AHCTF1: variants seen among roughly 807,000 people sequenced by gnomAD.
AHCTF1 encodes the protein AT-hook containing transcription factor 1, also known as protein ELYS.
In AHCTF1, 24 loss-of-function variants were observed where a neutral mutation model predicts 248.4. That is an observed-to-expected ratio of 0.10 (90% CI 0.07 to 0.14). The LOEUF (loss-of-function observed/expected upper bound fraction) is 0.14, where lower values mean the gene tolerates loss of function less well. Among genes scored for constraint, AHCTF1 ranks in the 10% least tolerant of loss-of-function variants. The pLI is 1.00. For synonymous variants in AHCTF1, 786 were observed against 929.8 expected, an observed-to-expected ratio of 0.85 and a Z score of 2.81; for missense variants, 2,206 against 2,636.2, an observed-to-expected ratio of 0.84 and a Z score of 3.57.
At chr1:246,905,684 T>G (rs777188388) in intron 5 of AHCTF1, 27 bp from the exon 6 acceptor site, 2 of 1,551,152 alleles carry the variant, frequency 1.3e-6, no homozygotes, top group South Asian at 2.3e-5. Flanking sequence ...TATTTCATAT[T>G]TTTAAGTTAT....
intron 33 of AHCTF1, 23 bp from the exon 34 acceptor site, chr1:246,843,951 T>A: frequency 7.2e-7 from 1 of 1,383,048 alleles, no homozygotes; most frequent in South Asian, 2.0e-5. Context: ...GAAAAAACTG[T>A]ATCTGTATCT....
In AHCTF1 at chr1:246,931,702, C is replaced by G. The variant is rs970160384; in HGVS notation, c.-132G>C. On this transcript the variant is annotated 5_prime_UTR_variant, in exon 1 of 36. Coordinates refer to ENST00000648844, the MANE Select transcript of AHCTF1 (RefSeq NM_001323342.2). ...GGAGACGTGGCCGCCACGGGCCGGG[C>G]TCACACCCCTCCGCCCGGCTGAAGC... The G allele has an allele frequency of 6.6e-6, 1 of 152,500 alleles. No individual in the cohort carries two copies. Among genetic ancestry groups the G allele is most frequent in the African/African-American group, 2.4e-5 (1 of 41,444 alleles). 9.4% of individuals were successfully genotyped at this position (152,500 alleles called of 1,614,324 possible).
chr1:246,926,985 T>G (rs146242458), intron 1 of AHCTF1, among the ~76,000 whole-genome samples: 6 of 151,338 alleles, frequency 4.0e-5, no homozygotes, highest in African/African-American at 1.5e-4. Flanking sequence ...CCATCCTGGC[T>G]AACAAGGTGA....
At chr1:246,928,302 CAAAAAAA>C (rs35687457) in intron 1 of AHCTF1, among the ~76,000 whole-genome samples, 1 of 94,228 alleles carries the variant, frequency 1.1e-5, no homozygotes, top group Admixed American at 1.1e-4. Context: ...GACTCCGTCT[CAAAAAAA>C]AAAAAAAAAA....
intron 21 of AHCTF1, among the ~76,000 whole-genome samples, chr1:246,883,664 A>C (rs1663615498): frequency 1.3e-5 from 2 of 152,190 alleles, no homozygotes; most frequent in South Asian, 4.1e-4. Flanking sequence ...AGGACTAGTA[A>C]TTATTTTTAA....
chr1:246,847,325 G>A (rs1006945399), intron 33 of AHCTF1, among the ~76,000 whole-genome samples: 8 of 151,178 alleles, frequency 5.3e-5, no homozygotes, highest in South Asian at 2.1e-4. Flanking sequence ...AACTGAAAAT[G>A]CTCATGACAT....
At chr1:246,896,335 A>G (rs1664570357) in intron 12 of AHCTF1, among the ~76,000 whole-genome samples, 1 of 152,246 alleles carries the variant, frequency 6.6e-6, no homozygotes, top group South Asian at 2.1e-4. Flanking sequence ...AATTGTAGAT[A>G]AACAAATTAT....
intron 3 of AHCTF1, 100 bp downstream of exon 3, chr1:246,916,042 T>A (rs1666119893): frequency 7.5e-7 from 1 of 1,340,586 alleles, no homozygotes; most frequent in South Asian, 1.5e-5. Flanking sequence ...AAATTGTAAA[T>A]GTTGCGGGTC....
At position 246,840,940 on chromosome 1, in the gene AHCTF1, G is replaced by C; in HGVS notation, c.6667C>G (p.Pro2223Ala). ...PPPIEIRLISPLASPADGVKS... is the reference protein window; with the variant it reads ...PPPIEIRLISALASPADGVKS... Reference sequence around the variant, plus strand: ...ACTCCGTCAGCTGGGCTAGCCAAGGGGGAAATCAGCCGAATTTCTATGGGA... The same window carrying C: ...ACTCCGTCAGCTGGGCTAGCCAAGGCGGAAATCAGCCGAATTTCTATGGGA... The change falls in exon 36 of 36, where the codon CCC becomes GCC. Residue 2223 changes from proline (P) to alanine (A), a missense_variant. Transcript: ENST00000648844. 6.2e-7 allele frequency: 1 copy of C among 1,612,246 alleles called. No individual in the cohort carries two copies. The highest frequency in any genetic ancestry group is 1.1e-5 in the South Asian group (1 of 90,624).
intron 4 of AHCTF1, among the ~76,000 whole-genome samples, chr1:246,910,949 C>A (rs1665756954): frequency 6.6e-6 from 1 of 152,214 alleles, no homozygotes; most frequent in African/African-American, 2.4e-5. Context: ...TTTGGAACTT[C>A]ATTTCCTACC....
At chr1:246,844,255 G>A (rs534355308) in intron 33 of AHCTF1, among the ~76,000 whole-genome samples, 18 of 152,218 alleles carry the variant, frequency 1.2e-4, no homozygotes, top group African/African-American at 4.1e-4. Context: ...TTCTGGGGAG[G>A]GAAAGCATTA....
chr1:246,931,412 C>A, intron 1 of AHCTF1, 166 bp downstream of exon 1: 5 of 1,472,182 alleles, frequency 3.4e-6, no homozygotes, highest in Non-Finnish European at 4.5e-6. Context: ...ACCGCTCGCC[C>A]CCTCGAGCCC....
chr1:246,917,889 C>G (rs914990943), intron 2 of AHCTF1, among the ~76,000 whole-genome samples: 2 of 152,086 alleles, frequency 1.3e-5, no homozygotes, highest in Non-Finnish European at 2.9e-5. Context: ...GGGCCCTGGA[C>G]TTTTCTACTC....
At chr1:246,913,089 T>A (rs192004954) in intron 4 of AHCTF1, 143 bp downstream of exon 4, 8 of 726,196 alleles carry the variant, frequency 1.1e-5, no homozygotes, top group African/African-American at 1.1e-4. Flanking sequence ...AAAAAGATTT[T>A]AAAATACCTT....
chr1:246,931,478 C>CCCGCCG lies in AHCTF1; in HGVS notation c.-8+94_-8+99dup, dbSNP rs754285823. ...GGCCCGGCGCTCGCGGGGCAGAAGC[C>CCCGCCG]CCGCCGCCGCCGCCGCCGCCGCCGC... On this transcript the variant is annotated intron_variant, in intron 1 of 35. Coordinates refer to ENST00000648844, the MANE Select transcript of AHCTF1 (RefSeq NM_001323342.2). 4,484 of 533,286 alleles carry CCCGCCG rather than the reference C, an allele frequency of 8.4e-3. 31 individuals are homozygous for CCCGCCG. Among genetic ancestry groups the CCCGCCG allele is most frequent in the Non-Finnish European group, 9.2e-3 (3,825 of 414,192 alleles). The allele number at this position is 533,286 out of a possible 1,614,324, so 33.0% of individuals were successfully genotyped here.
At chr1:246,876,536 G>A (rs1273208598) in intron 23 of AHCTF1, among the ~76,000 whole-genome samples, 1 of 152,184 alleles carries the variant, frequency 6.6e-6, no homozygotes, top group Non-Finnish European at 1.5e-5. Context: ...ATAAAAGCAA[G>A]ACTCAGAGTG....
chr1:246,895,610 G>A (rs1301635273), intron 13 of AHCTF1, among the ~76,000 whole-genome samples: 3 of 152,138 alleles, frequency 2.0e-5, no homozygotes, highest in African/African-American at 7.2e-5. Context: ...TGGCTGTAAC[G>A]GCAGCATGAG....
intron 21 of AHCTF1, among the ~76,000 whole-genome samples, chr1:246,881,143 G>A (rs558237378): frequency 1.2e-4 from 19 of 152,230 alleles, no homozygotes; most frequent in Admixed American, 4.6e-4. Flanking sequence ...TAAAAAGACT[G>A]GGGAAATATA....
chr1:246,918,124 T>C, intron 2 of AHCTF1, 126 bp downstream of exon 2: 1 of 815,578 alleles, frequency 1.2e-6, no homozygotes, highest in Non-Finnish European at 1.7e-6. Flanking sequence ...CTGTAGATGT[T>C]ACATATTTAA....
Sources: allele counts gnomAD v4.1 joint callset (sites outside exome capture counted in the v4.1 genomes callset), GRCh38; gene constraint gnomAD v4.1.1; transcripts MANE v1.5; gene names NCBI Gene and HGNC (gene_info 2026-07-23, HGNC 2026-07-21).